LVRN: variants seen among roughly 807,000 people sequenced by gnomAD.
LVRN encodes the protein laeverin.
In LVRN, 99 loss-of-function variants were observed where a neutral mutation model predicts 111.4. The ratio of observed to expected loss-of-function variants is 0.89; its 90% CI spans 0.76 to 1.05. The LOEUF (loss-of-function observed/expected upper bound fraction) is 1.05, where lower values mean the gene tolerates loss of function less well. Ranked by LOEUF, LVRN falls within the 50% of genes least tolerant of loss-of-function variation. The pLI is 0.00. For synonymous variants in LVRN, 488 were observed against 449.5 expected (o/e 1.09, Z -1.08); for missense variants, 1,414 against 1,206.8 (o/e 1.17, Z -2.54).
chr5:115,996,757 GAT>G (rs1748122129), intron 6 of LVRN, among the ~76,000 whole-genome samples: 1 of 152,116 alleles, frequency 6.6e-6, no homozygotes, highest in South Asian at 2.1e-4. Context: ...CCTGCTGCCT[GAT>G]CTAAGAAAGC....
At chr5:115,970,902 A>G (rs1753310877) in intron 1 of LVRN, among the ~76,000 whole-genome samples, 1 of 152,236 alleles carries the variant, frequency 6.6e-6, no homozygotes, top group Non-Finnish European at 1.5e-5. Context: ...GAGTGGTTAG[A>G]TCATATGAAT....
chr5:116,015,119 C>G, intron 16 of LVRN, 133 bp from the exon 17 acceptor site: 1 of 576,604 alleles, frequency 1.7e-6, no homozygotes, highest in Non-Finnish European at 2.7e-6. Context: ...TGATAATTGC[C>G]TCTCTAGATT....
intron 6 of LVRN, among the ~76,000 whole-genome samples, chr5:115,997,888 A>G (rs6862751): frequency 0.02 from 2,981 of 152,278 alleles, 89 homozygotes; most frequent in African/African-American, 0.067. Context: ...AAAGACCTCT[A>G]GGGTGTTGAG....
intron 1 of LVRN, among the ~76,000 whole-genome samples, chr5:115,964,399 T>G (rs1753158222): frequency 6.6e-6 from 1 of 152,342 alleles, no homozygotes; most frequent in African/African-American, 2.4e-5. Flanking sequence ...GGATGTATAA[T>G]CTGTAACTTT....
rs3984987 is a variant in LVRN at position 115,970,384 on chromosome 5, C to CTT, written c.695+7088_695+7089dup. On this transcript the variant is annotated intron_variant, in intron 1 of 19. Coordinates refer to ENST00000357872, the MANE Select transcript of LVRN (RefSeq NM_173800.5). ...CAGTAGAATTACTTTGAAATACATT[C>CTT]TTTTTTTTTTTTTTTTTGAGACGGA... Among the ~76,000 whole-genome samples, 47 of 133,840 alleles carry CTT rather than the reference C, an allele frequency of 3.5e-4. 2 individuals are homozygous for CTT. The highest frequency in any genetic ancestry group is 7.1e-4 in the South Asian group (3 of 4,238). The allele number at this position is 133,840 out of a possible 152,430, so 87.8% of individuals were successfully genotyped here. A position where few individuals can be genotyped will look rare whatever the true frequency, so the allele number is the denominator to read the frequency against.
chr5:115,987,754 T>C, intron 3 of LVRN, 59 bp from the exon 4 acceptor site: 1 of 1,563,820 alleles, frequency 6.4e-7, no homozygotes, highest in Non-Finnish European at 8.7e-7. Context: ...GCAAGCAGAC[T>C]ACCTCTTTCC....
intron 1 of LVRN, among the ~76,000 whole-genome samples, chr5:115,970,863 C>T (rs565990601): frequency 6.6e-6 from 1 of 152,222 alleles, no homozygotes; most frequent in African/African-American, 2.4e-5. Context: ...TTTATCAATT[C>T]ATTTTTCTTG....
At position 116,004,626 on chromosome 5, in the gene LVRN, A is replaced by T. The variant is rs113677737; in HGVS notation, c.2037+1246A>T. ...CTTTCTAAGAATATGGGGAAAAAAA[A>T]CCCCCAAAAAACTCCCTTCAGTATT... On this transcript the variant is annotated intron_variant, in intron 12 of 19. Coordinates refer to ENST00000357872, the MANE Select transcript of LVRN (RefSeq NM_173800.5). 9.8e-3 allele frequency among the ~76,000 whole-genome samples: 1,489 copies of T among 152,070 alleles called. 20 individuals are homozygous for T. Among genetic ancestry groups the T allele is most frequent in the African/African-American group, 0.034 (1,416 of 41,464 alleles).
chr5:115,987,826 C>T lies in LVRN; in HGVS notation c.992C>T (p.Ala331Val), dbSNP rs1410516211. Residue 331 changes from alanine (A) to valine (V), a missense_variant, in exon 4 of 20, where the codon GCC (alanine) becomes GTC (valine). By Grantham distance (64) the Ala-to-Val change is moderately conservative. Transcript: ENST00000357872. Reference sequence around the variant, plus strand: ...GTTTTGATTTAGATACGCATCTGGGCCCGGAAAGATGCAATTGCAAATGGA... The same window carrying T: ...GTTTTGATTTAGATACGCATCTGGGTCCGGAAAGATGCAATTGCAAATGGA... ...TERGKEIRIWARKDAIANGSA... is the reference protein window; with the variant it reads ...TERGKEIRIWVRKDAIANGSA... 3 of 1,612,310 alleles carry T rather than the reference C, an allele frequency of 1.9e-6. No individual in the cohort carries two copies. The highest frequency in any genetic ancestry group is 2.2e-5 in the East Asian group (1 of 44,714).
At chr5:115,975,896 A>T (rs1753437079) in intron 1 of LVRN, 1 of 160,030 alleles carries the variant, frequency 6.2e-6, no homozygotes, top group South Asian at 2.1e-4. Flanking sequence ...TTTGTTTTTT[A>T]AAAAACACAT....
rs542689582 is a variant in LVRN, at chr5:116,022,738, A to G, written c.2832+272A>G. ...CCCGTCCCAGACCGGGCTTCCCTCCATCCCACCTTTGCCATCACTGCCAGT... is the reference window on the plus strand; with the variant it reads ...CCCGTCCCAGACCGGGCTTCCCTCCGTCCCACCTTTGCCATCACTGCCAGT... On this transcript the variant is annotated intron_variant, in intron 19 of 19. Coordinates refer to ENST00000357872, the MANE Select transcript of LVRN (RefSeq NM_173800.5). 2.0e-5 allele frequency among the ~76,000 whole-genome samples: 3 copies of G among 152,298 alleles called. No individual in the cohort carries two copies. The South Asian group carries it at 6.2e-4, about 32-fold the overall frequency.
At chr5:116,020,835 G>T (rs1748712647) in intron 18 of LVRN, among the ~76,000 whole-genome samples, 1 of 152,192 alleles carries the variant, frequency 6.6e-6, no homozygotes, top group Non-Finnish European at 1.5e-5. Flanking sequence ...GAGCCAGACT[G>T]GAGTACCCAA....
chr5:115,999,122 C>G (rs78998881), intron 6 of LVRN, among the ~76,000 whole-genome samples: 2 of 152,300 alleles, frequency 1.3e-5, no homozygotes, highest in East Asian at 3.9e-4. Flanking sequence ...TCACAAGACT[C>G]TCTGGCTATA....
chr5:115,978,304 G>A (rs1753488849), intron 1 of LVRN, among the ~76,000 whole-genome samples: 1 of 152,184 alleles, frequency 6.6e-6, no homozygotes, highest in South Asian at 2.1e-4. Flanking sequence ...TCATGTGGCT[G>A]AGCAGTCCTC....
At chr5:115,972,235 A>T (rs1239391751) in intron 1 of LVRN, among the ~76,000 whole-genome samples, 3 of 152,098 alleles carry the variant, frequency 2.0e-5, no homozygotes, top group Non-Finnish European at 4.4e-5. Flanking sequence ...AAGAATACAA[A>T]GACAAGCCAC....
intron 11 of LVRN, 107 bp from the exon 12 acceptor site, chr5:116,003,134 T>A: frequency 9.0e-7 from 1 of 1,116,140 alleles, no homozygotes; most frequent in Middle Eastern, 2.9e-4. Context: ...ATTCCTTTAA[T>A]TTTTTGTTTT....
chr5:115,984,373 T>G (rs897112598), intron 2 of LVRN, among the ~76,000 whole-genome samples, 197 bp from the exon 3 acceptor site: 5 of 152,122 alleles, frequency 3.3e-5, no homozygotes, highest in Admixed American at 1.3e-4. Context: ...AAATGCTGAT[T>G]CAGGCCCAAG....
chr5:115,992,417 A>G (rs1037354955), intron 5 of LVRN, 140 bp downstream of exon 5: 2 of 968,470 alleles, frequency 2.1e-6, no homozygotes, highest in Admixed American at 2.7e-5. Context: ...ACAGTGAGTA[A>G]AAATGGGGAA....
At chr5:116,023,210 T>C (rs1342719573) in intron 19 of LVRN, 1 of 152,276 alleles carries the variant, frequency 6.6e-6, no homozygotes, top group Admixed American at 6.5e-5. Context: ...TCCTACATTA[T>C]AGTGTAATCA....
Sources: gnomAD v4.1 joint callset for allele counts (sites outside exome capture counted in the v4.1 genomes callset) on GRCh38, gnomAD v4.1.1 for gene constraint, MANE v1.5 for transcripts, NCBI Gene and HGNC (gene_info 2026-07-23, HGNC 2026-07-21) for gene names.